The following TJP1 variants were observed in gnomAD, a reference collection of about 807,000 sequenced individuals.
TJP1 encodes the protein tight junction protein ZO-1.
TJP1 carries 43 observed loss-of-function variants against 194.2 expected under a neutral mutation model. The ratio of observed to expected loss-of-function variants is 0.22; its 90% CI spans 0.17 to 0.29. The LOEUF (loss-of-function observed/expected upper bound fraction) is 0.29. TJP1 is among the 10% of genes least tolerant of loss of function. The pLI is 1.00. For synonymous variants in TJP1, 801 were observed against 779.0 expected, an observed-to-expected ratio of 1.03 and a Z score of -0.47; for missense variants, 1,971 against 2,185.7, an observed-to-expected ratio of 0.90 and a Z score of 1.96.
chr15:29,708,978 T>A lies in TJP1; in HGVS notation c.4431A>T (p.Pro1477=). Residue 1477 remains proline (P), a synonymous_variant, in exon 25 of 28, where the codon CCA becomes CCT. Transcript: ENST00000614355. The part of the protein sequence containing the change: ...NSLVSKPDPP[P]SQNKPATFRP... ...TGAAAGTTGCTGGCTTATTCTGAGATGGAGGTGGGTCTGGTTTGGACACTA... is the reference window on the plus strand; with the variant it reads ...TGAAAGTTGCTGGCTTATTCTGAGAAGGAGGTGGGTCTGGTTTGGACACTA... 1 of 1,614,216 alleles carries A rather than the reference T, an allele frequency of 6.2e-7. No individual in the cohort carries two copies. Among genetic ancestry groups the A allele is most frequent in the Non-Finnish European group, 8.5e-7 (1 of 1,180,052 alleles).
chr15:29,909,721 T>C (rs1245506514), intron 2 of TJP1, among the ~76,000 whole-genome samples: 1 of 151,960 alleles, frequency 6.6e-6, no homozygotes, highest in Non-Finnish European at 1.5e-5. Context: ...TCTCATACCA[T>C]GCTCACACAG....
chr15:29,712,804 C>T lies in TJP1; in HGVS notation c.4203-1804G>A, dbSNP rs138353941. Among the ~76,000 whole-genome samples, 310 of 147,954 alleles carry T rather than the reference C, an allele frequency of 2.1e-3. 1 individual carries two copies. Among genetic ancestry groups the T allele is most frequent in the African/African-American group, 7.3e-3 (293 of 40,058 alleles). The stretch of plus-strand genomic sequence containing the variant: ...TTCTGAATAAGTGGGAGTGACATGT[C>T]CCATTAAAAAAAAAAAAAAAAAGGC... On this transcript the variant is annotated intron_variant, in intron 23 of 27. Coordinates refer to ENST00000614355, the MANE Select transcript of TJP1 (RefSeq NM_001330239.4).
At chr15:29,772,683 A>G (rs1388208947) in intron 3 of TJP1, among the ~76,000 whole-genome samples, 2 of 151,884 alleles carry the variant, frequency 1.3e-5, no homozygotes, top group Non-Finnish European at 2.9e-5. Flanking sequence ...GGAGTTATAC[A>G]TTTTCTTTTT....
At chr15:29,713,006 T>A (rs967048159) in intron 23 of TJP1, among the ~76,000 whole-genome samples, 1 of 152,128 alleles carries the variant, frequency 6.6e-6, no homozygotes, top group African/African-American at 2.4e-5. Context: ...AATCGTAAGC[T>A]GGGCCCTGTG....
chr15:29,746,983 C>T (rs1016353393), intron 8 of TJP1, among the ~76,000 whole-genome samples: 3 of 151,254 alleles, frequency 2.0e-5, no homozygotes, highest in South Asian at 2.1e-4. Flanking sequence ...AAAAGATTGG[C>T]CGGTTAAATA....
intron 2 of TJP1, among the ~76,000 whole-genome samples, chr15:29,862,571 A>G (rs564120370): frequency 6.6e-5 from 10 of 152,238 alleles, no homozygotes; most frequent in Admixed American, 1.3e-4. Flanking sequence ...GATGGGAGCC[A>G]AAGCTGAAGC....
chr15:29,937,619 C>G (rs72721169), intron 2 of TJP1, among the ~76,000 whole-genome samples: 1 of 152,270 alleles, frequency 6.6e-6, no homozygotes, highest in Non-Finnish European at 1.5e-5. Context: ...GAACAAGTAT[C>G]CAACCTAAAG....
intron 2 of TJP1, among the ~76,000 whole-genome samples, chr15:29,909,312 T>C (rs944478666): frequency 7.0e-5 from 9 of 127,918 alleles, no homozygotes; most frequent in African/African-American, 2.8e-4. Flanking sequence ...CACTCCAGCC[T>C]GGGCGACAGA....
intron 2 of TJP1, among the ~76,000 whole-genome samples, chr15:29,951,113 G>A (rs898168106): frequency 8.1e-4 from 123 of 152,170 alleles, no homozygotes; most frequent in Non-Finnish European, 9.6e-4. Context: ...TTTCATCTTC[G>A]ATATCTTCAC....
At chr15:29,773,090 A>C (rs2046794928) in intron 3 of TJP1, 143 bp downstream of exon 3, 1 of 996,942 alleles carries the variant, frequency 1.0e-6, no homozygotes, top group Non-Finnish European at 1.4e-6. Context: ...AATATATGTT[A>C]ATTTAAGGAA....
intron 2 of TJP1, among the ~76,000 whole-genome samples, chr15:29,949,538 A>ACCT (rs2055505460): frequency 1.0e-5 from 1 of 96,496 alleles, no homozygotes; most frequent in Non-Finnish European, 2.1e-5. Flanking sequence ...CACCTCCACC[A>ACCT]CCACCACCTC....
rs543076400 is a variant in TJP1, at chr15:29,948,550, T to C, written c.306+7682A>G. 9.2e-5 allele frequency among the ~76,000 whole-genome samples: 14 copies of C among 152,276 alleles called. No homozygotes were observed. In the East Asian group the frequency reaches 2.5e-3, roughly 27 times the overall value. On this transcript the variant is annotated intron_variant, in intron 2 of 28. Coordinates refer to the TJP1 transcript ENST00000356107. ...AGAGAACTTTAGGGGAAGTTTTCTA[T>C]GCTTGAAAGAGAGCCACAGAAAGAG...
intron 2 of TJP1, among the ~76,000 whole-genome samples, chr15:29,876,267 C>T (rs2152122592): frequency 6.6e-6 from 1 of 152,294 alleles, no homozygotes; most frequent in East Asian, 1.9e-4. Flanking sequence ...TGCCTGTAAT[C>T]CCAGCACTTT....
At chr15:29,929,716 A>G (rs983794024) in intron 2 of TJP1, among the ~76,000 whole-genome samples, 16 of 152,162 alleles carry the variant, frequency 1.1e-4, no homozygotes, top group African/African-American at 3.9e-4. Flanking sequence ...TTAAAAATAA[A>G]TAAATAAATA....
At chr15:29,836,577 T>A (rs2051039774) in intron 2 of TJP1, among the ~76,000 whole-genome samples, 1 of 152,102 alleles carries the variant, frequency 6.6e-6, no homozygotes, top group South Asian at 2.1e-4. Context: ...GCCGGGATGA[T>A]CAACTTTTAA....
At chr15:29,774,081 A>T (rs2046861189) in intron 2 of TJP1, among the ~76,000 whole-genome samples, 1 of 152,232 alleles carries the variant, frequency 6.6e-6, no homozygotes, top group Admixed American at 6.5e-5. Flanking sequence ...TAGAAAGGAT[A>T]TGAAGTACTT....
At position 29,800,584 on chromosome 15, in the gene TJP1, T is replaced by C. The variant is rs367855724; in HGVS notation, c.84+62A>G. On this transcript the variant is annotated intron_variant, in intron 2 of 27. Coordinates refer to ENST00000614355, the MANE Select transcript of TJP1 (RefSeq NM_001330239.4). ...TTCCTGACATCTGGCTTTCCTCTATTGTTTTCAAAGCTGCCAGTATCCTGA... is the reference window on the plus strand; with the variant it reads ...TTCCTGACATCTGGCTTTCCTCTATCGTTTTCAAAGCTGCCAGTATCCTGA... 1.2e-3 allele frequency: 1,915 copies of C among 1,551,838 alleles called. 1 individual carries two copies. Among genetic ancestry groups the C allele is most frequent in the Non-Finnish European group, 1.6e-3 (1,783 of 1,131,588 alleles).
At chr15:29,814,744 T>C (rs1313680675) in intron 1 of TJP1, among the ~76,000 whole-genome samples, 1 of 152,236 alleles carries the variant, frequency 6.6e-6, no homozygotes, top group Non-Finnish European at 1.5e-5. Context: ...GCTTCTGTTT[T>C]ACCTCCTTTC....
rs985521355 is a variant in TJP1, at chr15:29,956,421, A to T, written c.174-57T>A. The T allele has an allele frequency of 4.8e-6, 6 of 1,246,658 alleles. No homozygotes were observed. In the Middle Eastern group the frequency reaches 6.7e-4, roughly 140 times the overall value. 77.2% of individuals were successfully genotyped at this position (1,246,658 alleles called of 1,614,324 possible). ...AGGTTTACAGGTGAACACATTTCTCAAGTTTGAGGTAAGCATTTACTCAAA... is the reference window on the plus strand; with the variant it reads ...AGGTTTACAGGTGAACACATTTCTCTAGTTTGAGGTAAGCATTTACTCAAA... On this transcript the variant is annotated intron_variant, in intron 1 of 28. Coordinates refer to the TJP1 transcript ENST00000356107.
Sources: allele counts gnomAD v4.1 joint callset (sites outside exome capture counted in the v4.1 genomes callset), GRCh38; gene constraint gnomAD v4.1.1; transcripts MANE v1.5; gene names NCBI Gene and HGNC (gene_info 2026-07-23, HGNC 2026-07-21).